Variants in CNOT10 observed in about 807,000 individuals in gnomAD.
CNOT10 encodes CCR4-NOT transcription complex, subunit 10.
Under a neutral mutation model 94.6 loss-of-function variants are expected in CNOT10, and 30 were observed. The ratio of observed to expected loss-of-function variants is 0.32; its 90% CI spans 0.24 to 0.43. The LOEUF (loss-of-function observed/expected upper bound fraction) is 0.43. Ranked by LOEUF, CNOT10 falls within the 20% of genes least tolerant of loss-of-function variation. CNOT10 has a pLI of 1.00. For missense variants in CNOT10, 759 were observed against 877.2 expected (o/e 0.87, Z 1.70); for synonymous variants, 289 against 301.6 (o/e 0.96, Z 0.43).
At chr3:32,692,585 T>C (rs939929514) in intron 1 of CNOT10, among the ~76,000 whole-genome samples, 5 of 152,208 alleles carry the variant, frequency 3.3e-5, no homozygotes, top group Non-Finnish European at 7.3e-5. Flanking sequence ...AGGAACATCT[T>C]TTTCCATTTT....
intron 10 of CNOT10, among the ~76,000 whole-genome samples, 192 bp downstream of exon 10, chr3:32,728,062 TCTCGG>T (rs958292307): frequency 4.6e-5 from 7 of 152,040 alleles, no homozygotes; most frequent in African/African-American, 1.7e-4. Flanking sequence ...AATGTTACGA[TCTCGG>T]CTCACTGCAA....
intron 17 of CNOT10, chr3:32,769,054 T>C (rs1399341266): frequency 6.6e-6 from 1 of 152,262 alleles, no homozygotes; most frequent in African/African-American, 2.4e-5. Context: ...TTGTTAGTTA[T>C]TTGCATGCTT....
At chr3:32,719,756 G>T (rs1466453933) in intron 7 of CNOT10, among the ~76,000 whole-genome samples, 1 of 152,120 alleles carries the variant, frequency 6.6e-6, no homozygotes, top group Non-Finnish European at 1.5e-5. Context: ...AAGATCACCA[G>T]TCTCTCTAAT....
At chr3:32,714,864 C>A (rs1698052233) in intron 5 of CNOT10, among the ~76,000 whole-genome samples, 1 of 151,910 alleles carries the variant, frequency 6.6e-6, no homozygotes, top group African/African-American at 2.4e-5. Context: ...GTTTTCTGTC[C>A]CTTTGTTTTA....
chr3:32,725,745 T>C (rs1698637862), intron 9 of CNOT10, 146 bp downstream of exon 9: 1 of 628,296 alleles, frequency 1.6e-6, no homozygotes, highest in Admixed American at 3.8e-5. Context: ...CTGGGGATTT[T>C]TAGTAGATAT....
At chr3:32,727,434 C>T (rs954726702) in intron 9 of CNOT10, among the ~76,000 whole-genome samples, 1 of 152,142 alleles carries the variant, frequency 6.6e-6, no homozygotes, top group Non-Finnish European at 1.5e-5. Flanking sequence ...GCCTGAGGAG[C>T]TGGCAAATGA....
intron 17 of CNOT10, among the ~76,000 whole-genome samples, chr3:32,766,800 A>C (rs543895453): frequency 1.6e-4 from 24 of 152,280 alleles, no homozygotes; most frequent in African/African-American, 4.8e-4. Context: ...TTTTGATTGG[A>C]TCTCTTTAGT....
At chr3:32,694,007 T>C (rs1696953238) in intron 1 of CNOT10, among the ~76,000 whole-genome samples, 1 of 152,186 alleles carries the variant, frequency 6.6e-6, no homozygotes, top group African/African-American at 2.4e-5. Context: ...TAAGTTATTC[T>C]CAGGAAATTT....
At chr3:32,711,137 C>T (rs1372420731) in intron 4 of CNOT10, among the ~76,000 whole-genome samples, 2 of 152,124 alleles carry the variant, frequency 1.3e-5, no homozygotes, top group Non-Finnish European at 2.9e-5. Flanking sequence ...TCTTTACCCC[C>T]GTTAAGCTTC....
rs1166683182 is a variant in CNOT10 at position 32,685,428 on chromosome 3, C to T, written c.-33C>T. ...GGCGGCGGGAGTCAGGGCCACGCCA[C>T]CTGCAGGGAAGAACCCGAGTCGAAG... On this transcript the variant is annotated 5_prime_UTR_variant, in exon 1 of 19. Transcript: ENST00000328834. The T allele has an allele frequency of 6.5e-7, 1 of 1,550,136 alleles. No individual in the cohort carries two copies. Among genetic ancestry groups the T allele is most frequent in the Non-Finnish European group, 8.7e-7 (1 of 1,146,730 alleles).
chr3:32,690,458 C>T lies in CNOT10; in HGVS notation c.22+4976C>T, dbSNP rs1355726510. 2.6e-5 allele frequency among the ~76,000 whole-genome samples: 4 copies of T among 152,146 alleles called. No homozygotes were observed. The East Asian group carries it at 7.7e-4, about 29-fold the overall frequency. On this transcript the variant is annotated intron_variant, in intron 1 of 18. Coordinates refer to ENST00000328834, the MANE Select transcript of CNOT10 (RefSeq NM_015442.3). ...GGTGTGCAGTGGCACCATCATAGCTCACTGCAGCCATGAACTCCTGGGCTT... is the reference window on the plus strand; with the variant it reads ...GGTGTGCAGTGGCACCATCATAGCTTACTGCAGCCATGAACTCCTGGGCTT...
chr3:32,721,647 C>A (rs1395719861), intron 8 of CNOT10, among the ~76,000 whole-genome samples: 4 of 131,608 alleles, frequency 3.0e-5, no homozygotes, highest in Non-Finnish European at 6.6e-5. Context: ...ATTACATATT[C>A]TTTTTTTTTT....
At chr3:32,690,791 C>T (rs2125489469) in intron 1 of CNOT10, among the ~76,000 whole-genome samples, 1 of 152,178 alleles carries the variant, frequency 6.6e-6, no homozygotes, top group South Asian at 2.1e-4. Flanking sequence ...TCATGATCCG[C>T]CCGCCTCGGC....
intron 3 of CNOT10, among the ~76,000 whole-genome samples, chr3:32,706,379 C>T (rs1553630286): frequency 6.6e-6 from 1 of 152,162 alleles, no homozygotes; most frequent in Non-Finnish European, 1.5e-5. Flanking sequence ...GCCAAAAAAA[C>T]TTTGTGAAGT....
intron 1 of CNOT10, chr3:32,695,527 G>T: frequency 6.7e-7 from 1 of 1,499,568 alleles, no homozygotes; most frequent in South Asian, 1.3e-5. Context: ...GTATTGGAAT[G>T]TGTCTGTGCT....
intron 3 of CNOT10, among the ~76,000 whole-genome samples, 178 bp downstream of exon 3, chr3:32,705,150 A>T (rs1471548346): frequency 6.6e-6 from 1 of 152,134 alleles, no homozygotes; most frequent in Non-Finnish European, 1.5e-5. Context: ...ATGTTGTGGG[A>T]TCATTTTTTT....
chr3:32,763,625 G>C (rs1183109444), intron 15 of CNOT10, among the ~76,000 whole-genome samples: 1 of 151,896 alleles, frequency 6.6e-6, no homozygotes, highest in East Asian at 1.9e-4. Flanking sequence ...ACTCCAGCCT[G>C]GGTGACAGAG....
At chr3:32,737,220 C>T (rs930119043) in intron 12 of CNOT10, among the ~76,000 whole-genome samples, 190 bp from the exon 13 acceptor site, 5 of 151,980 alleles carry the variant, frequency 3.3e-5, no homozygotes, top group Non-Finnish European at 4.4e-5. Context: ...GAGGCTGAGG[C>T]GGGAGAATCA....
intron 12 of CNOT10, among the ~76,000 whole-genome samples, chr3:32,735,289 G>T (rs1699134662): frequency 2.0e-5 from 3 of 147,752 alleles, no homozygotes; most frequent in Non-Finnish European, 1.5e-5. Flanking sequence ...AGGTTGCAGC[G>T]AGCCGAGATT....
Sources: allele counts gnomAD v4.1 joint callset (sites outside exome capture counted in the v4.1 genomes callset), GRCh38; gene constraint gnomAD v4.1.1; transcripts MANE v1.5; gene names NCBI Gene and HGNC (gene_info 2026-07-23, HGNC 2026-07-21).